CAMK2A: variants seen among roughly 807,000 people sequenced by gnomAD.
CAMK2A encodes the protein calcium/calmodulin-dependent protein kinase type II subunit alpha.
CAMK2A carries 7 observed loss-of-function variants against 79.2 expected under a neutral mutation model. The observed-to-expected ratio is 0.09, with a 90% CI of 0.05 to 0.17. The LOEUF is 0.17. CAMK2A is among the 10% of genes least tolerant of loss of function. CAMK2A has a pLI of 1.00. For synonymous variants in CAMK2A, 242 were observed against 251.7 expected, an observed-to-expected ratio of 0.96 and a Z score of 0.36; for missense variants, 214 against 646.4, an observed-to-expected ratio of 0.33 and a Z score of 7.25.
chr5:150,245,283 C>T (rs957152250), intron 12 of CAMK2A, 82 bp from the exon 13 acceptor site: 41 of 1,388,002 alleles, frequency 3.0e-5, no homozygotes, highest in East Asian at 1.1e-4. Context: ...AGCATCCACA[C>T]GCAGCCGGAG....
intron 3 of CAMK2A, among the ~76,000 whole-genome samples, chr5:150,258,727 A>G (rs946913114): frequency 6.6e-6 from 1 of 152,176 alleles, no homozygotes; most frequent in Admixed American, 6.5e-5. Flanking sequence ...TGCCATGTGC[A>G]TATATTTCTG....
Position 150,256,911 on chromosome 5 carries a change from G to A in CAMK2A, c.273-80C>T, listed in dbSNP as rs1240336981. On this transcript the variant is annotated intron_variant, in intron 4 of 18. Transcript: ENST00000671881. This position sits in a 1 kb window ranked among gnomAD's most constrained non-coding sequence, Gnocchi z 4.6. Reference sequence around the variant, plus strand: ...TCTGGAGGAGTCTCCAGGAAACTAAGGATGGGGCCCAGGGACCTCAGGACC... The same window carrying A: ...TCTGGAGGAGTCTCCAGGAAACTAAAGATGGGGCCCAGGGACCTCAGGACC... The A allele has an allele frequency of 7.8e-7, 1 of 1,282,338 alleles. No homozygotes were observed. Among genetic ancestry groups the A allele is most frequent in the Non-Finnish European group, 1.1e-6 (1 of 911,924 alleles). 79.4% of individuals were successfully genotyped at this position (1,282,338 alleles called of 1,614,324 possible). A position where few individuals can be genotyped will look rare whatever the true frequency, so the allele number is the denominator to read the frequency against.
chr5:150,271,459 G>A (rs1020781500), intron 2 of CAMK2A, among the ~76,000 whole-genome samples: 5 of 152,158 alleles, frequency 3.3e-5, no homozygotes, highest in South Asian at 2.1e-4. Flanking sequence ...GGAGGCCTGC[G>A]GGGAGCAGCA....
rs775220318 is a variant in CAMK2A, at chr5:150,222,598, G to T, written c.*112C>A. The T allele has an allele frequency of 8.6e-7, 1 of 1,166,146 alleles. No individual in the cohort carries two copies. The highest frequency in any genetic ancestry group is 1.2e-5 in the South Asian group (1 of 80,508). 72.2% of individuals were successfully genotyped at this position (1,166,146 alleles called of 1,614,324 possible). ...CAGGTACAGAAGTGACGGTGGTGGG[G>T]TGATGACATGGGAGAATTCCAGCAA... is the stretch of plus-strand genomic sequence containing the variant. On this transcript the variant is annotated 3_prime_UTR_variant, in exon 19 of 19. Transcript: ENST00000671881.
chr5:150,268,230 C>T (rs1756597966), intron 2 of CAMK2A, among the ~76,000 whole-genome samples: 1 of 152,152 alleles, frequency 6.6e-6, no homozygotes, highest in South Asian at 2.1e-4. Flanking sequence ...AACTCTCCAA[C>T]AGCTTCCCAA....
chr5:150,251,344 G>A (rs1211664718), intron 9 of CAMK2A, among the ~76,000 whole-genome samples: 1 of 152,176 alleles, frequency 6.6e-6, no homozygotes, highest in Non-Finnish European at 1.5e-5. Flanking sequence ...GCAGTTACTT[G>A]ACCTCTCTGT....
chr5:150,265,264 T>A, intron 2 of CAMK2A: 1 of 492,246 alleles, frequency 2.0e-6, no homozygotes, highest in Non-Finnish European at 3.7e-6. Flanking sequence ...TCCATGATTC[T>A]TAAATGTGAG....
chr5:150,272,497 G>A (rs547468633), intron 2 of CAMK2A, among the ~76,000 whole-genome samples: 4 of 151,686 alleles, frequency 2.6e-5, no homozygotes, highest in Admixed American at 6.6e-5. Flanking sequence ...GCTTGAACCC[G>A]GGAGGCAGAG....
chr5:150,239,830 T>C, intron 13 of CAMK2A, 94 bp from the exon 14 acceptor site: 4 of 1,079,110 alleles, frequency 3.7e-6, no homozygotes, highest in South Asian at 1.3e-5. Flanking sequence ...GGGAGGAGGA[T>C]GGGCCTCGGG....
chr5:150,265,586 T>G (rs1255510532), intron 2 of CAMK2A, among the ~76,000 whole-genome samples: 1 of 152,092 alleles, frequency 6.6e-6, no homozygotes, highest in African/African-American at 2.4e-5. Context: ...GGGCAGGGAC[T>G]TCGTCTCTGT....
intron 6 of CAMK2A, among the ~76,000 whole-genome samples, chr5:150,255,920 C>T (rs1022525118): frequency 6.6e-5 from 10 of 152,214 alleles, no homozygotes; most frequent in African/African-American, 1.2e-4. Flanking sequence ...TATGAACTAC[C>T]AGCCACTGAT....
intron 11 of CAMK2A, among the ~76,000 whole-genome samples, chr5:150,248,802 G>T (rs576417874): frequency 2.7e-4 from 41 of 152,162 alleles, no homozygotes; most frequent in Non-Finnish European, 5.4e-4. Flanking sequence ...ATATATGTGT[G>T]CATGTGTCTT....
intron 1 of CAMK2A, among the ~76,000 whole-genome samples, chr5:150,283,549 G>A (rs928710843): frequency 6.6e-6 from 1 of 152,088 alleles, no homozygotes; most frequent in Non-Finnish European, 1.5e-5. Flanking sequence ...TAACCTCTGG[G>A]TAACTCTTAT....
intron 13 of CAMK2A, among the ~76,000 whole-genome samples, chr5:150,242,615 G>A (rs1312045583): frequency 6.6e-6 from 1 of 152,184 alleles, no homozygotes; most frequent in Non-Finnish European, 1.5e-5. Context: ...CCTCTCACCA[G>A]GCCCCTGCAA....
At chr5:150,264,879 G>T (rs1049800105) in intron 3 of CAMK2A, 77 bp downstream of exon 3, 2 of 1,151,846 alleles carry the variant, frequency 1.7e-6, no homozygotes, top group Non-Finnish European at 2.6e-6. Context: ...CACCCAACCC[G>T]CAAACACCCA....
chr5:150,244,825 C>T (rs1345837738), intron 13 of CAMK2A, among the ~76,000 whole-genome samples: 1 of 152,152 alleles, frequency 6.6e-6, no homozygotes, highest in Admixed American at 6.5e-5. Flanking sequence ...CCTCTCCTTG[C>T]ACCCTCTCTT....
chr5:150,285,253 G>A (rs764170745), intron 1 of CAMK2A, among the ~76,000 whole-genome samples: 4 of 152,140 alleles, frequency 2.6e-5, no homozygotes, highest in Non-Finnish European at 2.9e-5. Context: ...CTCAAGCTGC[G>A]GTCTCCTCAT....
At chr5:150,276,261 T>A (rs889622899) in intron 1 of CAMK2A, among the ~76,000 whole-genome samples, 1 of 152,162 alleles carries the variant, frequency 6.6e-6, no homozygotes, top group Non-Finnish European at 1.5e-5. Context: ...TGGTGGCGGC[T>A]CCTCCACCTG....
chr5:150,283,193 C>T (rs1248325868), intron 1 of CAMK2A, among the ~76,000 whole-genome samples: 1 of 152,218 alleles, frequency 6.6e-6, no homozygotes, highest in Non-Finnish European at 1.5e-5. Flanking sequence ...TGCTAGGACC[C>T]AGCATCTGGA....
Sources: gnomAD v4.1 joint callset for allele counts (sites outside exome capture counted in the v4.1 genomes callset) on GRCh38, gnomAD v4.1.1 for gene constraint, Gnocchi (gnomAD v3.1) non-coding constraint, MANE v1.5 for transcripts, NCBI Gene and HGNC (gene_info 2026-07-23, HGNC 2026-07-21) for gene names.